Variants in CNTN5 observed in about 807,000 individuals in gnomAD.
CNTN5 encodes contactin 5.
Under a neutral mutation model 129.1 loss-of-function variants are expected in CNTN5, and 77 were observed. That is an observed-to-expected ratio of 0.60 (90% CI 0.50 to 0.72). The LOEUF (loss-of-function observed/expected upper bound fraction) is 0.72. Ranked by LOEUF, CNTN5 falls within the 30% of genes least tolerant of loss-of-function variation. The pLI is 0.00. For missense variants in CNTN5, 1,478 were observed against 1,328.8 expected (o/e 1.11, Z -1.75); for synonymous variants, 509 against 465.6 (o/e 1.09, Z -1.20).
At chr11:100,352,935 T>G (rs1016399291) in intron 24 of CNTN5, among the ~76,000 whole-genome samples, 3 of 151,654 alleles carry the variant, frequency 2.0e-5, no homozygotes, top group Admixed American at 6.6e-5. Flanking sequence ...TGAGGCCTCA[T>G]CACGTTCCTG....
At chr11:100,348,667 T>C (rs537534928) in intron 23 of CNTN5, among the ~76,000 whole-genome samples, 27 of 152,098 alleles carry the variant, frequency 1.8e-4, no homozygotes, top group Non-Finnish European at 3.1e-4. Context: ...CTCACATGGA[T>C]GATCAGAATT....
At chr11:99,557,871 T>C (rs1274064571) in intron 3 of CNTN5, among the ~76,000 whole-genome samples, 2 of 151,722 alleles carry the variant, frequency 1.3e-5, no homozygotes, top group African/African-American at 4.8e-5. Flanking sequence ...ATACCTGCAC[T>C]CATCTAAATG....
At chr11:100,130,989 C>T (rs996392620) in intron 13 of CNTN5, among the ~76,000 whole-genome samples, 9 of 152,068 alleles carry the variant, frequency 5.9e-5, no homozygotes, top group African/African-American at 2.2e-4. Context: ...TGTTATGTAA[C>T]ATTGGTATCA....
At chr11:99,275,991 C>T (rs1417577245) in intron 1 of CNTN5, among the ~76,000 whole-genome samples, 6 of 151,660 alleles carry the variant, frequency 4.0e-5, no homozygotes, top group Admixed American at 2.6e-4. Flanking sequence ...CTTCTCTATA[C>T]TCTTCTCTGC....
intron 17 of CNTN5, among the ~76,000 whole-genome samples, chr11:100,266,245 T>A (rs938508623): frequency 7.2e-5 from 11 of 152,068 alleles, no homozygotes; most frequent in Non-Finnish European, 1.5e-4. Context: ...CAGTCTTAGA[T>A]GTGATTCTTT....
At chr11:99,610,557 G>A (rs143332192) in intron 3 of CNTN5, among the ~76,000 whole-genome samples, 1 of 152,162 alleles carries the variant, frequency 6.6e-6, no homozygotes, top group African/African-American at 2.4e-5. Context: ...CATGACATGG[G>A]TCTCTGTAAG....
At chr11:100,317,573 C>A (rs1012599556) in intron 21 of CNTN5, among the ~76,000 whole-genome samples, 1 of 152,160 alleles carries the variant, frequency 6.6e-6, no homozygotes, top group Non-Finnish European at 1.5e-5. Context: ...ATGTCACTAT[C>A]ATTAGATTTC....
intron 6 of CNTN5, among the ~76,000 whole-genome samples, chr11:99,899,039 G>T (rs1052557340): frequency 1.3e-5 from 2 of 151,918 alleles, no homozygotes; most frequent in Non-Finnish European, 2.9e-5. Flanking sequence ...CATTATTAGC[G>T]TATGGAAGTG....
At chr11:100,177,013 G>A (rs1947988044) in intron 13 of CNTN5, among the ~76,000 whole-genome samples, 1 of 151,970 alleles carries the variant, frequency 6.6e-6, no homozygotes, top group South Asian at 2.1e-4. Flanking sequence ...CTCTTCTGCT[G>A]AAGAGTATGT....
intron 15 of CNTN5, among the ~76,000 whole-genome samples, chr11:100,206,488 T>TAAA (rs1320297016): frequency 2.0e-5 from 3 of 152,136 alleles, no homozygotes; most frequent in Admixed American, 6.6e-5. Context: ...TGCCAGATTT[T>TAAA]TCCAAATTAA....
At chr11:99,690,935 G>A (rs921100729) in intron 3 of CNTN5, among the ~76,000 whole-genome samples, 1 of 151,936 alleles carries the variant, frequency 6.6e-6, no homozygotes, top group African/African-American at 2.4e-5. Flanking sequence ...CTTAATTTCA[G>A]AACTCATTTT....
At chr11:99,619,557 G>A (rs1950865758) in intron 3 of CNTN5, among the ~76,000 whole-genome samples, 1 of 151,834 alleles carries the variant, frequency 6.6e-6, no homozygotes, top group South Asian at 2.1e-4. Flanking sequence ...TTTAAGAGTA[G>A]AAAAAGTATT....
intron 3 of CNTN5, among the ~76,000 whole-genome samples, chr11:99,659,103 G>A (rs867446573): frequency 7.2e-5 from 11 of 151,984 alleles, no homozygotes; most frequent in Admixed American, 2.6e-4. Flanking sequence ...GGGCTTTGGA[G>A]GGTTGGGAAT....
chr11:99,796,358 G>A lies in CNTN5; in HGVS notation c.56-23186G>A, dbSNP rs138141537. 1.1e-3 allele frequency among the ~76,000 whole-genome samples: 161 copies of A among 152,176 alleles called. 2 individuals carry two copies. Among genetic ancestry groups the A allele is most frequent in the African/African-American group, 3.7e-3 (154 of 41,514 alleles). On this transcript the variant is annotated intron_variant, in intron 3 of 24. Coordinates refer to ENST00000524871, the MANE Select transcript of CNTN5 (RefSeq NM_014361.4). ...CATGTACATCCATTGGGGAGGGGAG[G>A]TGATGTCCACCTGTATGCATGTGTG...
intron 1 of CNTN5, among the ~76,000 whole-genome samples, chr11:99,081,937 G>A (rs1865817329): frequency 6.6e-6 from 1 of 152,066 alleles, no homozygotes; most frequent in South Asian, 2.1e-4. Flanking sequence ...AAACTAAAAT[G>A]AAATTCATAG....
In CNTN5 at chr11:99,625,395, C is replaced by T. The variant is rs540858244; in HGVS notation, c.55+69126C>T. ...GTCATGAGTCTAAATAGAAGAGTAACATCACCAGTAACATAATTCTTTCCC... is the reference window on the plus strand; with the variant it reads ...GTCATGAGTCTAAATAGAAGAGTAATATCACCAGTAACATAATTCTTTCCC... On this transcript the variant is annotated intron_variant, in intron 3 of 24. Transcript: ENST00000524871. 5.3e-5 allele frequency among the ~76,000 whole-genome samples: 8 copies of T among 152,254 alleles called. 1 individual carries two copies. In the South Asian group the frequency reaches 1.7e-3, roughly 32 times the overall value.
chr11:99,814,253 A>T (rs1426578793), intron 3 of CNTN5, among the ~76,000 whole-genome samples: 1 of 152,150 alleles, frequency 6.6e-6, no homozygotes, highest in African/African-American at 2.4e-5. Context: ...GGCTGAGTGT[A>T]TGCGTGTACA....
chr11:99,756,622 T>C (rs1231086), intron 3 of CNTN5, among the ~76,000 whole-genome samples: 123,802 of 151,960 alleles, frequency 0.81, 50,446 homozygotes, highest in Admixed American at 0.85. Context: ...TGTGGTAAGA[T>C]CTTTGAACAT....
intron 1 of CNTN5, among the ~76,000 whole-genome samples, chr11:99,275,318 A>G (rs1863375764): frequency 6.6e-6 from 1 of 151,554 alleles, no homozygotes; most frequent in African/African-American, 2.4e-5. Flanking sequence ...CTGTGTGGTT[A>G]AAACACAGAA....
Sources: allele counts gnomAD v4.1 joint callset (sites outside exome capture counted in the v4.1 genomes callset), GRCh38; gene constraint gnomAD v4.1.1; transcripts MANE v1.5; gene names NCBI Gene and HGNC (gene_info 2026-07-23, HGNC 2026-07-21).